The following RABGAP1L variants were observed in gnomAD, a reference collection of about 807,000 sequenced individuals.
RABGAP1L encodes the protein rab GTPase-activating protein 1-like.
Under a neutral mutation model 137.7 loss-of-function variants are expected in RABGAP1L, and 63 were observed. The ratio of observed to expected loss-of-function variants is 0.46; its 90% CI spans 0.37 to 0.56. The LOEUF is 0.56. Ranked by LOEUF, RABGAP1L falls within the 20% of genes least tolerant of loss-of-function variation. RABGAP1L has a pLI of 0.00. For missense variants in RABGAP1L, 1,095 were observed against 1,244.0 expected, an observed-to-expected ratio of 0.88 and a Z score of 1.80; for synonymous variants, 431 against 433.7, an observed-to-expected ratio of 0.99 and a Z score of 0.08.
At chr1:174,488,539 T>C (rs1659896205) in intron 13 of RABGAP1L, among the ~76,000 whole-genome samples, 2 of 152,120 alleles carry the variant, frequency 1.3e-5, no homozygotes, top group African/African-American at 4.8e-5. Flanking sequence ...GGTGTTCTAT[T>C]AGCTTCTTGT....
At chr1:174,823,409 T>C (rs1691239002) in intron 19 of RABGAP1L, among the ~76,000 whole-genome samples, 1 of 152,248 alleles carries the variant, frequency 6.6e-6, no homozygotes. Context: ...TTTCTTTGAA[T>C]TATTTTATTT....
intron 12 of RABGAP1L, among the ~76,000 whole-genome samples, chr1:174,375,812 C>T (rs1380146144): frequency 6.6e-6 from 1 of 152,076 alleles, no homozygotes; most frequent in Non-Finnish European, 1.5e-5. Flanking sequence ...TGCCTGTAAT[C>T]CCAGCACTTC....
chr1:174,652,740 G>T (rs577229109), intron 14 of RABGAP1L, among the ~76,000 whole-genome samples: 1 of 152,286 alleles, frequency 6.6e-6, no homozygotes. Flanking sequence ...GTCGACCCCT[G>T]CTGGGAGGTG....
chr1:174,586,685 C>G (rs1174524692), intron 13 of RABGAP1L, among the ~76,000 whole-genome samples: 10 of 152,154 alleles, frequency 6.6e-5, no homozygotes, highest in African/African-American at 2.2e-4. Context: ...GCAACCTCCA[C>G]CTCCCGAGTT....
chr1:174,582,735 A>G (rs1668837024), intron 13 of RABGAP1L, among the ~76,000 whole-genome samples: 1 of 152,200 alleles, frequency 6.6e-6, no homozygotes, highest in African/African-American at 2.4e-5. Context: ...AGAAGGGTTC[A>G]AAGGAGGATT....
At chr1:174,426,133 C>T (rs2149180443) in intron 13 of RABGAP1L, among the ~76,000 whole-genome samples, 1 of 152,084 alleles carries the variant, frequency 6.6e-6, no homozygotes, top group South Asian at 2.1e-4. Flanking sequence ...TTTTGTTTCC[C>T]TTCAGGGCAT....
At chr1:174,576,137 A>G (rs1473943909) in intron 13 of RABGAP1L, among the ~76,000 whole-genome samples, 2 of 152,202 alleles carry the variant, frequency 1.3e-5, no homozygotes, top group African/African-American at 4.8e-5. Flanking sequence ...CAGTTGCAGC[A>G]AAAGCTGGTT....
intron 7 of RABGAP1L, among the ~76,000 whole-genome samples, chr1:174,269,715 TG>T (rs773598356): frequency 6.6e-6 from 1 of 152,206 alleles, no homozygotes; most frequent in Non-Finnish European, 1.5e-5. Flanking sequence ...TAAATTATGT[TG>T]GATGTCTCTT....
In RABGAP1L at chr1:174,775,388, A is replaced by G. The variant is rs963275668; in HGVS notation, c.2211+23034A>G. On this transcript the variant is annotated intron_variant, in intron 18 of 25. Transcript: ENST00000681986. ...GAGTGCAATGGTGTGATCTCAGTTC[A>G]CTACAACCTCCACCTCCCAGGTTCA... 4.0e-5 allele frequency among the ~76,000 whole-genome samples: 6 copies of G among 150,396 alleles called. No homozygotes were observed. In the Admixed American group the frequency reaches 4.0e-4, roughly 10 times the overall value.
chr1:174,444,603 T>C (rs572116138), intron 13 of RABGAP1L, among the ~76,000 whole-genome samples: 19 of 152,234 alleles, frequency 1.2e-4, no homozygotes, highest in Non-Finnish European at 2.5e-4. Flanking sequence ...CTTTTTATTA[T>C]TGCTTCAATC....
At position 174,412,155 on chromosome 1, in the gene RABGAP1L, G is replaced by T. The variant is rs550932438; in HGVS notation, c.1710+18010G>T. Reference sequence around the variant, plus strand: ...CATACTTGTTTATACCCCAAACTTGGGCGTGTATATATTTAAGATAGTTAA... The same window carrying T: ...CATACTTGTTTATACCCCAAACTTGTGCGTGTATATATTTAAGATAGTTAA... On this transcript the variant is annotated intron_variant, in intron 13 of 25. Coordinates refer to ENST00000681986, the MANE Select transcript of RABGAP1L (RefSeq NM_001366446.1). Among the ~76,000 whole-genome samples, 4 of 152,036 alleles carry T rather than the reference G, an allele frequency of 2.6e-5. No individual in the cohort carries two copies. In the South Asian group the frequency reaches 8.3e-4, roughly 32 times the overall value.
At chr1:174,539,043 G>T (rs1665131549) in intron 13 of RABGAP1L, among the ~76,000 whole-genome samples, 1 of 152,106 alleles carries the variant, frequency 6.6e-6, no homozygotes, top group Non-Finnish European at 1.5e-5. Flanking sequence ...ACTAAAGGGT[G>T]ATTTGAACTT....
chr1:174,860,391 A>AGTGAG (rs1650082688), intron 19 of RABGAP1L, among the ~76,000 whole-genome samples: 1 of 152,120 alleles, frequency 6.6e-6, no homozygotes, highest in Non-Finnish European at 1.5e-5. Context: ...TTGAGGTTGC[A>AGTGAG]GTGAGCTGTG....
At chr1:174,602,703 C>T (rs1670505487) in intron 13 of RABGAP1L, among the ~76,000 whole-genome samples, 1 of 152,098 alleles carries the variant, frequency 6.6e-6, no homozygotes, top group African/African-American at 2.4e-5. Context: ...ATTCTTTCTT[C>T]TTCTTGATCA....
At chr1:174,256,562 C>A (rs1400386334) in intron 7 of RABGAP1L, among the ~76,000 whole-genome samples, 2 of 152,168 alleles carry the variant, frequency 1.3e-5, no homozygotes, top group Non-Finnish European at 2.9e-5. Context: ...GCGGGCAGAT[C>A]ACGAGGTCAA....
rs1680622244 is a variant in RABGAP1L at position 174,327,980 on chromosome 1, CACACACATATATATATATATAT to C, written c.1465+22855_1465+22876del. Among the ~76,000 whole-genome samples the C allele has an allele frequency of 4.8e-3, 510 of 105,906 alleles. 41 individuals are homozygous for C. Among genetic ancestry groups the C allele is most frequent in the African/African-American group, 0.012 (289 of 24,270 alleles). The allele number at this position is 105,906 out of a possible 152,430, so 69.5% of individuals were successfully genotyped here. ...AAATATATATATATATATATATATA[CACACACATATATATATATATAT>C]ATATATATATATATATATATATACC... On this transcript the variant is annotated intron_variant, in intron 11 of 25. Transcript: ENST00000681986.
chr1:174,701,743 C>CA (rs34027614), intron 16 of RABGAP1L, among the ~76,000 whole-genome samples: 73,926 of 133,088 alleles, frequency 0.56, 21,268 homozygotes, highest in Non-Finnish European at 0.66. Flanking sequence ...ACTCTTATCT[C>CA]AAAAAAAAAA....
chr1:174,408,876 T>C (rs1649584432), intron 13 of RABGAP1L, among the ~76,000 whole-genome samples: 1 of 152,216 alleles, frequency 6.6e-6, no homozygotes, highest in South Asian at 2.1e-4. Flanking sequence ...GAGAAGTGTC[T>C]ATTCATATCT....
intron 13 of RABGAP1L, among the ~76,000 whole-genome samples, chr1:174,503,065 T>C (rs191152764): frequency 1.1e-4 from 17 of 152,262 alleles, no homozygotes; most frequent in Admixed American, 4.6e-4. Flanking sequence ...TATGTGTTGG[T>C]GGGTGGGTAA....
Sources: gnomAD v4.1 joint callset for allele counts (sites outside exome capture counted in the v4.1 genomes callset) on GRCh38, gnomAD v4.1.1 for gene constraint, MANE v1.5 for transcripts, NCBI Gene and HGNC (gene_info 2026-07-23, HGNC 2026-07-21) for gene names.